Variants in INPP4B observed in about 807,000 individuals in gnomAD.
The protein encoded by INPP4B is inositol polyphosphate 4-phosphatase type II.
Under a neutral mutation model 122.5 loss-of-function variants are expected in INPP4B, and 55 were observed. That is an observed-to-expected ratio of 0.45 (90% CI 0.36 to 0.56). The LOEUF (loss-of-function observed/expected upper bound fraction) is 0.56, where lower values mean the gene tolerates loss of function less well. Among genes scored for constraint, INPP4B ranks in the 20% least tolerant of loss-of-function variants. The probability of loss-of-function intolerance (pLI) is 0.00; values close to 1 mark genes in which losing one functional copy is unlikely to be tolerated. For missense variants in INPP4B, 1,000 were observed against 1,097.7 expected (o/e 0.91, Z 1.26); for synonymous variants, 403 against 388.7 (o/e 1.04, Z -0.43).
chr4:142,433,244 T>C (rs1174284851), intron 3 of INPP4B, among the ~76,000 whole-genome samples: 3 of 152,202 alleles, frequency 2.0e-5, no homozygotes, highest in African/African-American at 4.8e-5. Flanking sequence ...ATGGTTATGA[T>C]AACATACAGC....
intron 1 of INPP4B, among the ~76,000 whole-genome samples, chr4:142,795,814 T>C (rs1777167921): frequency 6.6e-6 from 1 of 151,988 alleles, no homozygotes; most frequent in Non-Finnish European, 1.5e-5. Flanking sequence ...ATAAATCAGA[T>C]TAATAAACTG....
At chr4:142,720,897 T>C (rs1236593735) in intron 2 of INPP4B, among the ~76,000 whole-genome samples, 1 of 132,370 alleles carries the variant, frequency 7.6e-6, no homozygotes, top group Non-Finnish European at 1.6e-5. Flanking sequence ...GCATCTCGTG[T>C]GTGTGTGTGT....
chr4:142,384,757 G>A (rs1303986137), intron 7 of INPP4B, among the ~76,000 whole-genome samples: 1 of 152,100 alleles, frequency 6.6e-6, no homozygotes, highest in African/African-American at 2.4e-5. Flanking sequence ...ATGGGGGTTT[G>A]TTGTGCAGAT....
chr4:142,176,383 A>C (rs1442715630), intron 15 of INPP4B, among the ~76,000 whole-genome samples: 1 of 151,922 alleles, frequency 6.6e-6, no homozygotes, highest in Non-Finnish European at 1.5e-5. Context: ...TGCTTTCTGA[A>C]TGTGTCTTCT....
At chr4:142,149,435 C>T (rs1372801411) in intron 17 of INPP4B, among the ~76,000 whole-genome samples, 1 of 152,084 alleles carries the variant, frequency 6.6e-6, no homozygotes, top group Admixed American at 6.5e-5. Flanking sequence ...TAAAACTCAA[C>T]ATTAAAATGG....
intron 2 of INPP4B, among the ~76,000 whole-genome samples, chr4:142,498,194 TGCGTG>T: frequency 6.6e-6 from 1 of 151,084 alleles, no homozygotes; most frequent in Non-Finnish European, 1.5e-5. Context: ...TGTATGTGTG[TGCGTG>T]TGTGTATATA....
intron 1 of INPP4B, among the ~76,000 whole-genome samples, chr4:142,807,726 C>A (rs540028542): frequency 2.6e-5 from 4 of 152,264 alleles, no homozygotes; most frequent in African/African-American, 9.6e-5. Context: ...CACACAGTGA[C>A]TTTCAGTAGC....
At chr4:142,487,710 A>G (rs2149767263) in intron 2 of INPP4B, among the ~76,000 whole-genome samples, 1 of 152,280 alleles carries the variant, frequency 6.6e-6, no homozygotes, top group Non-Finnish European at 1.5e-5. Flanking sequence ...TAAACAATTA[A>G]TCTAAAATTT....
At chr4:142,349,022 G>T (rs930707237) in intron 7 of INPP4B, among the ~76,000 whole-genome samples, 30 of 151,990 alleles carry the variant, frequency 2.0e-4, no homozygotes, top group Admixed American at 4.6e-4. Context: ...TGGAAAGAGA[G>T]ATTTCTTATT....
At chr4:142,069,317 G>A (rs992176204) in intron 25 of INPP4B, among the ~76,000 whole-genome samples, 1 of 152,078 alleles carries the variant, frequency 6.6e-6, no homozygotes, top group Non-Finnish European at 1.5e-5. Context: ...AGAATCTCTG[G>A]GACACATTTA....
At chr4:142,684,756 G>A (rs528152322) in intron 2 of INPP4B, among the ~76,000 whole-genome samples, 173 of 152,090 alleles carry the variant, frequency 1.1e-3, no homozygotes, top group Non-Finnish European at 1.8e-3. Context: ...AGAATAAAAT[G>A]AAGAGCTGAG....
intron 23 of INPP4B, among the ~76,000 whole-genome samples, chr4:142,094,565 G>T (rs1420461281): frequency 6.6e-6 from 1 of 152,198 alleles, no homozygotes; most frequent in African/African-American, 2.4e-5. Flanking sequence ...GAGCCAGACT[G>T]CTAGTGAAAT....
At chr4:142,344,253 T>C (rs968774733) in intron 7 of INPP4B, among the ~76,000 whole-genome samples, 5 of 152,110 alleles carry the variant, frequency 3.3e-5, no homozygotes, top group Non-Finnish European at 7.4e-5. Context: ...CAGGGTGCCG[T>C]AGCCAGATGC....
Position 142,403,014 on chromosome 4 carries a change from G to A in INPP4B, c.296C>T (p.Pro99Leu), listed in dbSNP as rs895528602. The change falls in exon 7 of 26, where the codon CCA (proline) becomes CTA (leucine). Residue 99 changes from proline to leucine, a missense_variant. By Grantham distance (98) the Pro-to-Leu change is moderately conservative. Coordinates refer to ENST00000262992, the MANE Select transcript of INPP4B (RefSeq NM_001101669.3). ...DPLFLTGVTF[P>L]SEYPIYEETK... Reference sequence around the variant, plus strand: ...CTCCTCATAGATGGGATACTCAGATGGGAATGTGACACCAGTCAAAAACAG... The same window carrying A: ...CTCCTCATAGATGGGATACTCAGATAGGAATGTGACACCAGTCAAAAACAG... 1 of 1,611,262 alleles carries A rather than the reference G, an allele frequency of 6.2e-7. No homozygotes were observed. The highest frequency in any genetic ancestry group is 8.5e-7 in the Non-Finnish European group (1 of 1,177,422).
chr4:142,793,579 A>C (rs1031548674), intron 1 of INPP4B, among the ~76,000 whole-genome samples: 24 of 152,250 alleles, frequency 1.6e-4, no homozygotes, highest in Admixed American at 1.5e-3. Context: ...AAAGGATGGC[A>C]GTAATACCAA....
At chr4:142,466,071 G>A (rs1328652791) in intron 2 of INPP4B, among the ~76,000 whole-genome samples, 1 of 152,150 alleles carries the variant, frequency 6.6e-6, no homozygotes, top group African/African-American at 2.4e-5. Context: ...TTGGTACCAA[G>A]GAATGGGGTG....
At chr4:142,197,556 A>C (rs1372048940) in intron 14 of INPP4B, among the ~76,000 whole-genome samples, 1 of 152,136 alleles carries the variant, frequency 6.6e-6, no homozygotes, top group Non-Finnish European at 1.5e-5. Flanking sequence ...TTGCTTTAAG[A>C]CTCATATTCT....
chr4:142,182,968 A>G (rs1274323541), intron 15 of INPP4B, among the ~76,000 whole-genome samples: 14 of 152,154 alleles, frequency 9.2e-5, no homozygotes, highest in Admixed American at 9.2e-4. Context: ...AAACCTACCA[A>G]TTGCAGTATC....
rs559581679 is a variant in INPP4B, at chr4:142,073,167, C to T, written c.2642+8864G>A. ...TGCAAATGATATGCTCTATAAATTA[C>T]AGTTTTGATCCCCATAATGATGTCA... On this transcript the variant is annotated intron_variant, in intron 25 of 25. Coordinates refer to ENST00000262992, the MANE Select transcript of INPP4B (RefSeq NM_001101669.3). Among the ~76,000 whole-genome samples, 3 of 152,174 alleles carry T rather than the reference C, an allele frequency of 2.0e-5. No homozygotes were observed. The South Asian group carries it at 6.2e-4, about 32-fold the overall frequency.
Sources: allele counts gnomAD v4.1 joint callset (sites outside exome capture counted in the v4.1 genomes callset), GRCh38; gene constraint gnomAD v4.1.1; transcripts MANE v1.5; gene names NCBI Gene and HGNC (gene_info 2026-07-23, HGNC 2026-07-21).